Variants in CCDC77 observed in about 807,000 individuals in gnomAD.
The protein encoded by CCDC77 is coiled-coil domain-containing protein 77.
Under a neutral mutation model 66.8 loss-of-function variants are expected in CCDC77, and 56 were observed. That is an observed-to-expected ratio of 0.84 (90% CI 0.68 to 1.05). The LOEUF (loss-of-function observed/expected upper bound fraction) is 1.05. Among genes scored for constraint, CCDC77 ranks in the 50% least tolerant of loss-of-function variants. The pLI, the probability that CCDC77 is intolerant of heterozygous loss-of-function variation, is 0.00. For synonymous variants in CCDC77, 196 were observed against 195.2 expected, an observed-to-expected ratio of 1.00 and a Z score of -0.03; for missense variants, 570 against 576.8, an observed-to-expected ratio of 0.99 and a Z score of 0.12.
At chr12:391,442 T>TGA (rs745974013) in intron 1 of CCDC77, among the ~76,000 whole-genome samples, 107 of 151,476 alleles carry the variant, frequency 7.1e-4, no homozygotes, top group Middle Eastern at 3.4e-3. Flanking sequence ...GCAAGAAGAG[T>TGA]GAGACTCTGT....
Position 412,760 on chromosome 12 carries a change from C to T in CCDC77, c.270+782C>T, listed in dbSNP as rs144524318. Among the ~76,000 whole-genome samples the T allele has an allele frequency of 3.3e-5, 5 of 152,224 alleles. No homozygotes were observed. In the East Asian group the frequency reaches 9.6e-4, roughly 29 times the overall value. ...TTCAGCTGTACCCTCAACCATTATA[C>T]AGCAGTCTTCTCACCTATCCTTACT... On this transcript the variant is annotated intron_variant, in intron 4 of 12. Transcript: ENST00000239830.
At position 418,484 on chromosome 12, in the gene CCDC77, T is replaced by G. The variant is rs1413770845; in HGVS notation, c.271-10T>G. ...TGTCTTTCAACTATCTTATTGTGGT[T>G]TTTTTGCAGCATAAACTTGAATGTG... On this transcript the variant is annotated splice_polypyrimidine_tract_variant and intron_variant, in intron 4 of 12. Coordinates refer to ENST00000239830, the MANE Select transcript of CCDC77 (RefSeq NM_032358.4). The G allele has an allele frequency of 6.2e-7, 1 of 1,613,858 alleles. No individual in the cohort carries two copies. Among genetic ancestry groups the G allele is most frequent in the Non-Finnish European group, 8.5e-7 (1 of 1,179,900 alleles).
Position 409,400 on chromosome 12 carries a change from C to G in CCDC77, c.17C>G (p.Thr6Arg), listed in dbSNP as rs1443880630. 3 of 1,613,176 alleles carry G rather than the reference C, an allele frequency of 1.9e-6. No individual in the cohort carries two copies. The highest frequency in any genetic ancestry group is 2.5e-6 in the Non-Finnish European group (3 of 1,179,784). MNFTP[T>R]HTPVCRKRTV... ...AAAGACAGCATGAACTTTACCCCAA[C>G]ACACACCCCTGTCTGCAGAAAGTAA... Residue 6 changes from threonine to arginine, a missense_variant, in exon 3 of 13, where the codon ACA becomes AGA. Physicochemically the swap from Thr to Arg is moderately conservative, Grantham distance 71. Transcript: ENST00000239830.
At chr12:409,243 T>C in intron 2 of CCDC77, 125 bp from the exon 3 acceptor site, 1 of 706,446 alleles carries the variant, frequency 1.4e-6, no homozygotes, top group Non-Finnish European at 2.4e-6. Context: ...AAACTACATT[T>C]TAAAACATCA....
intron 1 of CCDC77, among the ~76,000 whole-genome samples, chr12:394,159 G>A (rs1202704672): frequency 3.3e-5 from 5 of 152,128 alleles, no homozygotes; most frequent in Non-Finnish European, 7.4e-5. Context: ...AAGATCTGCC[G>A]TATCTAAGTC....
In CCDC77 at chr12:441,825, C is replaced by T. The variant is rs1467629558; in HGVS notation, c.1372C>T (p.Arg458Cys). 6.8e-6 allele frequency: 11 copies of T among 1,613,146 alleles called. No homozygotes were observed. Among genetic ancestry groups the T allele is most frequent in the South Asian group, 2.2e-5 (2 of 91,046 alleles). The change falls in exon 13 of 13, where the codon CGT becomes TGT. Residue 458 changes from arginine (R) to cysteine (C), a missense_variant. Transcript: ENST00000239830. ...GGATCTTGCCCTTCTGTGTGAGGTC[C>T]GTGACAGCAATAGACGGGCACATAA... ...NQDLALLCEVRDSNRRAHKIQ... is the reference protein window; with the variant it reads ...NQDLALLCEVCDSNRRAHKIQ...
intron 5 of CCDC77, among the ~76,000 whole-genome samples, chr12:423,549 G>C (rs1450933807): frequency 1.5e-5 from 2 of 137,362 alleles, no homozygotes; most frequent in African/African-American, 5.6e-5. Context: ...AGGCTGGAGT[G>C]CAGCGGCATG....
Position 426,165 on chromosome 12 carries a change from G to A in CCDC77, c.414-2604G>A, listed in dbSNP as rs550141125. 3.3e-5 allele frequency among the ~76,000 whole-genome samples: 5 copies of A among 152,286 alleles called. No homozygotes were observed. The South Asian group carries it at 8.3e-4, about 25-fold the overall frequency. ...GGTGTGAGCTACCGCGCCCAGCCCA[G>A]ATTCTTTTATACTGTATTGACAGAA... On this transcript the variant is annotated intron_variant, in intron 5 of 12. Transcript: ENST00000239830.
chr12:396,959 T>C (rs1299052603), upstream of CCDC77, among the ~76,000 whole-genome samples: 3 of 152,044 alleles, frequency 2.0e-5, no homozygotes, highest in Non-Finnish European at 2.9e-5. Flanking sequence ...CAGGCTGGAG[T>C]GCAACAGCGT....
At chr12:440,494 T>C in intron 10 of CCDC77, 123 bp from the exon 11 acceptor site, 1 of 1,087,328 alleles carries the variant, frequency 9.2e-7, no homozygotes, top group East Asian at 2.5e-5. Context: ...TGTCATCTGG[T>C]TCCTTAACTC....
At chr12:404,639 CAT>C (rs972867313) in intron 1 of CCDC77, among the ~76,000 whole-genome samples, 4 of 151,868 alleles carry the variant, frequency 2.6e-5, no homozygotes, top group South Asian at 2.1e-4. Flanking sequence ...TTTTCGTAGA[CAT>C]GTGCAACAGT....
chr12:423,784 A>G (rs1033732343), intron 5 of CCDC77, among the ~76,000 whole-genome samples: 3 of 151,904 alleles, frequency 2.0e-5, no homozygotes, highest in Non-Finnish European at 2.9e-5. Flanking sequence ...GGCGTGAGCC[A>G]CTGTGCCCAG....
In CCDC77 at chr12:440,850, A is replaced by G. The variant is rs1439774760; in HGVS notation, c.1174A>G (p.Thr392Ala). The G allele has an allele frequency of 1.2e-6, 2 of 1,613,454 alleles. No individual in the cohort carries two copies. Among genetic ancestry groups the G allele is most frequent in the South Asian group, 1.1e-5 (1 of 91,090 alleles). ...GMRREIFKDR[T>A]NKMGKRLQIM... ...TCCCATTCCCCATATTTAGGATCGC[A>G]CTAACAAGATGGGGAAGCGTTTACA... The change falls in exon 12 of 13, where the codon ACT becomes GCT. Residue 392 changes from threonine to alanine, a missense_variant. Transcript: ENST00000239830.
chr12:430,236 G>A (rs1196212157), intron 6 of CCDC77, among the ~76,000 whole-genome samples: 6 of 151,968 alleles, frequency 3.9e-5, no homozygotes, highest in Admixed American at 1.3e-4. Flanking sequence ...CAGGTGATCC[G>A]CCCACCTTGG....
Position 442,065 on chromosome 12 carries a change from GA to G in CCDC77, c.*146del. 1.2e-6 allele frequency: 1 copy of G among 838,894 alleles called. No individual in the cohort carries two copies. The highest frequency in any genetic ancestry group is 1.9e-6 in the Non-Finnish European group (1 of 534,572). The allele number at this position is 838,894 out of a possible 1,614,324, so 52.0% of individuals were successfully genotyped here. A position where few individuals can be genotyped will look rare whatever the true frequency, so the allele number is the denominator to read the frequency against. On this transcript the variant is annotated 3_prime_UTR_variant, in exon 13 of 13. Coordinates refer to ENST00000239830, the MANE Select transcript of CCDC77 (RefSeq NM_032358.4). The stretch of plus-strand genomic sequence containing the variant: ...TGTAAAGACAGCTTGAAGAATCGGG[GA>G]CCACTAGGAAAGCTTTTCTTGCATA...
At chr12:415,417 T>TGTTAA (rs1565568195) in intron 4 of CCDC77, among the ~76,000 whole-genome samples, 6 of 136,454 alleles carry the variant, frequency 4.4e-5, no homozygotes, top group Admixed American at 2.3e-4. Flanking sequence ...TATGTTGATA[T>TGTTAA]TATTAACATA....
intron 4 of CCDC77, among the ~76,000 whole-genome samples, chr12:414,615 C>T (rs1483049663): frequency 2.0e-5 from 3 of 152,072 alleles, no homozygotes. Flanking sequence ...CTTTCTCTAC[C>T]CTCCCTTCCC....
chr12:403,807 T>G (rs1004242569), intron 1 of CCDC77, among the ~76,000 whole-genome samples: 1 of 152,172 alleles, frequency 6.6e-6, no homozygotes, highest in African/African-American at 2.4e-5. Context: ...TAATTGTTTT[T>G]TGAGACAGGG....
chr12:422,253 T>C (rs1354941254), intron 5 of CCDC77, among the ~76,000 whole-genome samples: 1 of 152,080 alleles, frequency 6.6e-6, no homozygotes, highest in Non-Finnish European at 1.5e-5. Context: ...GTGTGTGTGC[T>C]GGGAGTGAGA....
Sources: gnomAD v4.1 joint callset for allele counts (sites outside exome capture counted in the v4.1 genomes callset) on GRCh38, gnomAD v4.1.1 for gene constraint, MANE v1.5 for transcripts, NCBI Gene and HGNC (gene_info 2026-07-23, HGNC 2026-07-21) for gene names.